Variants in SPACA9 observed in about 807,000 individuals in gnomAD.
SPACA9 encodes sperm acrosome-associated protein 9.
A neutral mutation model predicts 12.5 loss-of-function variants in SPACA9; 14 were observed. The ratio of observed to expected loss-of-function variants is 1.12; its 90% CI spans 0.74 to 1.75. The LOEUF is 1.75. Ranked by LOEUF, SPACA9 falls within the 40% of genes most tolerant of loss-of-function variation. The pLI, the probability that SPACA9 is intolerant of heterozygous loss-of-function variation, is 0.00. For synonymous variants in SPACA9, 111 were observed against 114.1 expected (o/e 0.97, Z 0.17); for missense variants, 292 against 291.9 (o/e 1.00, Z 0.00).
At position 132,888,214 on chromosome 9, in the gene SPACA9, G is replaced by A; in HGVS notation, c.348-76G>A. ...CTCCCCAGGTGACTCTGCTGTGCCT[G>A]AGGTGTGGCAGCTGCTTGCCACGGC... is the stretch of plus-strand genomic sequence containing the variant. On this transcript the variant is annotated intron_variant, in intron 3 of 3. Coordinates refer to ENST00000356311, the MANE Select transcript of SPACA9 (RefSeq NM_001316897.2). This position sits in a 1 kb window ranked among gnomAD's most constrained non-coding sequence, Gnocchi z 5.0. 1 of 1,547,930 alleles carries A rather than the reference G, an allele frequency of 6.5e-7. No individual in the cohort carries two copies. Among genetic ancestry groups the A allele is most frequent in the Non-Finnish European group, 8.7e-7 (1 of 1,146,010 alleles).
intron 1 of SPACA9, among the ~76,000 whole-genome samples, chr9:132,879,360 G>C (rs1296043000): frequency 6.6e-6 from 1 of 152,102 alleles, no homozygotes; most frequent in East Asian, 1.9e-4. Context: ...TTATGGAGAG[G>C]GAAAATGGCA....
Position 132,888,156 on chromosome 9 carries a change from C to T in SPACA9, c.348-134C>T, listed in dbSNP as rs528663429. The T allele has an allele frequency of 7.2e-6, 10 of 1,395,444 alleles. No individual in the cohort carries two copies. The highest frequency in any genetic ancestry group is 2.7e-5 in the Admixed American group (1 of 37,378). 86.4% of individuals were successfully genotyped at this position (1,395,444 alleles called of 1,614,324 possible). ...TCTGCCAGAATCTCTGGGGACAGAG[C>T]GCCTCAGCGTGCTGTGTGTCCAGTT... On this transcript the variant is annotated intron_variant, in intron 3 of 3. Transcript: ENST00000356311. The surrounding 1 kb of genome is among the most constrained non-coding windows in gnomAD (Gnocchi z 5.0).
intron 1 of SPACA9, among the ~76,000 whole-genome samples, chr9:132,883,570 G>T (rs916085840): frequency 6.6e-6 from 1 of 152,170 alleles, no homozygotes; most frequent in Admixed American, 6.5e-5. Flanking sequence ...GCATGTGTGT[G>T]CGTGTGTGTG....
In SPACA9 at chr9:132,887,138, TATCCATCCATCCATCCATCC is replaced by T. The variant is rs59019466; in HGVS notation, c.145-207_145-188del. ...CGATCCATTAATTTCATATCATATC[TATCCATCCATCCATCCATCC>T]ATCCATCCATCCATCCATCCATCTA... On this transcript the variant is annotated intron_variant, in intron 2 of 3. Coordinates refer to ENST00000356311, the MANE Select transcript of SPACA9 (RefSeq NM_001316897.2). The surrounding 1 kb of genome is among the most constrained non-coding windows in gnomAD (Gnocchi z 5.4). Among the ~76,000 whole-genome samples the T allele has an allele frequency of 6.7e-6, 1 of 149,112 alleles. No homozygotes were observed. Among genetic ancestry groups the T allele is most frequent in the African/African-American group, 2.5e-5 (1 of 40,614 alleles).
chr9:132,887,576 G>T lies in SPACA9; in HGVS notation c.347+5G>T, dbSNP rs757907450. 6.2e-7 allele frequency: 1 copy of T among 1,612,976 alleles called. No homozygotes were observed. Among genetic ancestry groups the T allele is most frequent in the Non-Finnish European group, 8.5e-7 (1 of 1,179,206 alleles). On this transcript the variant is annotated splice_donor_5th_base_variant and intron_variant, in intron 3 of 3. Transcript: ENST00000356311. The surrounding 1 kb of genome is among the most constrained non-coding windows in gnomAD (Gnocchi z 5.4). ...CTTAAGCAGCCTCAGAGCAAAGTAA[G>T]TCCCTCTGATGCTGCTCTTGAGGCC...
Position 132,888,290 on chromosome 9 carries a change from A to G in SPACA9, c.348A>G (p.Lys116=). ...CACCTGGCCCCCTGCCGTCCTGCAGATACCCTCATGATGTGGTGAACCACC... is the reference window on the plus strand; with the variant it reads ...CACCTGGCCCCCTGCCGTCCTGCAGGTACCCTCATGATGTGGTGAACCACC... ...QSNDLSSLRA[K]YPHDVVNHLS... Residue 116 remains lysine, a splice_region_variant and synonymous_variant, in exon 4 of 4, where the codon AAA becomes AAG. Coordinates refer to ENST00000356311, the MANE Select transcript of SPACA9 (RefSeq NM_001316897.2). This position sits in a 1 kb window ranked among gnomAD's most constrained non-coding sequence, Gnocchi z 5.0. 7 of 1,604,734 alleles carry G rather than the reference A, an allele frequency of 4.4e-6. No individual in the cohort carries two copies. The highest frequency in any genetic ancestry group is 6.0e-6 in the Non-Finnish European group (7 of 1,174,108).
In SPACA9 at chr9:132,887,303, T is replaced by G. The variant is rs1170446433; in HGVS notation, c.145-66T>G. 6.9e-7 allele frequency: 1 copy of G among 1,454,698 alleles called. No individual in the cohort carries two copies. The highest frequency in any genetic ancestry group is 1.4e-5 in the African/African-American group (1 of 72,114). 90.1% of individuals were successfully genotyped at this position (1,454,698 alleles called of 1,614,324 possible). On this transcript the variant is annotated intron_variant, in intron 2 of 3. Coordinates refer to ENST00000356311, the MANE Select transcript of SPACA9 (RefSeq NM_001316897.2). This position sits in a 1 kb window ranked among gnomAD's most constrained non-coding sequence, Gnocchi z 5.4. ...AGTAGGGTGGGTGCTTCTGGACATT[T>G]GCACCATAAGCCAGCCAGGACCCGG... is the stretch of plus-strand genomic sequence containing the variant.
intron 2 of SPACA9, among the ~76,000 whole-genome samples, chr9:132,886,891 A>G (rs7849589): frequency 1.8e-4 from 28 of 152,068 alleles, no homozygotes; most frequent in Non-Finnish European, 3.8e-4. Flanking sequence ...GGCTCACTGC[A>G]GCCTCCTCCT....
chr9:132,888,056 G>T lies in SPACA9; in HGVS notation c.348-234G>T, dbSNP rs1431419633. Reference sequence around the variant, plus strand: ...CTCACCCCTAACCCAGGTTTCTACGGACCATGGGGCAGTGGTTTGCATCTC... The same window carrying T: ...CTCACCCCTAACCCAGGTTTCTACGTACCATGGGGCAGTGGTTTGCATCTC... On this transcript the variant is annotated intron_variant, in intron 3 of 3. Transcript: ENST00000356311. The surrounding 1 kb of genome is among the most constrained non-coding windows in gnomAD (Gnocchi z 5.0). Among the ~76,000 whole-genome samples the T allele has an allele frequency of 6.6e-6, 1 of 152,174 alleles. No individual in the cohort carries two copies. The highest frequency in any genetic ancestry group is 2.4e-5 in the African/African-American group (1 of 41,448).
At chr9:132,881,261 A>C (rs1444726730) in intron 1 of SPACA9, among the ~76,000 whole-genome samples, 1 of 139,336 alleles carries the variant, frequency 7.2e-6, no homozygotes, top group African/African-American at 2.6e-5. Flanking sequence ...CCCCATCTCT[A>C]CAAAAAAAAA....
chr9:132,885,512 C>CAAAAA, intron 2 of SPACA9, among the ~76,000 whole-genome samples: 1 of 65,530 alleles, frequency 1.5e-5, no homozygotes, highest in Non-Finnish European at 2.9e-5. Flanking sequence ...GACCCTGTCT[C>CAAAAA]AAAAAAAAAA....
In SPACA9 at chr9:132,889,276, T is replaced by A; in HGVS notation, c.*665T>A. 1 of 985,978 alleles carries A rather than the reference T, an allele frequency of 1.0e-6. No homozygotes were observed. 61.1% of individuals were successfully genotyped at this position (985,978 alleles called of 1,614,324 possible). A position where few individuals can be genotyped will look rare whatever the true frequency, so the allele number is the denominator to read the frequency against. The stretch of plus-strand genomic sequence containing the variant: ...CTGCGGGCTGCAGTTTTGCAGAGGG[T>A]GATCAAGCTGGAGACCATCTGCTCC... On this transcript the variant is annotated 3_prime_UTR_variant, in exon 4 of 4. Transcript: ENST00000356311.
intron 1 of SPACA9, 26 bp from the exon 2 acceptor site, chr9:132,883,885 C>T (rs878888522): frequency 6.4e-7 from 1 of 1,570,246 alleles, no homozygotes; most frequent in South Asian, 1.1e-5. Flanking sequence ...CCCAGGACCT[C>T]ATCACTATCC....
chr9:132,889,123 T>C lies in SPACA9; in HGVS notation c.*512T>C. On this transcript the variant is annotated 3_prime_UTR_variant, in exon 4 of 4. Transcript: ENST00000356311. Reference sequence around the variant, plus strand: ...TTCTAAGCATCAGGCTCCGTGCTGATGAAGAGGAAACCCACTTACAGAAGT... The same window carrying C: ...TTCTAAGCATCAGGCTCCGTGCTGACGAAGAGGAAACCCACTTACAGAAGT... 1.0e-6 allele frequency: 1 copy of C among 990,942 alleles called. No homozygotes were observed. The highest frequency in any genetic ancestry group is 1.2e-6 in the Non-Finnish European group (1 of 833,050). 61.4% of individuals were successfully genotyped at this position (990,942 alleles called of 1,614,324 possible).
intron 1 of SPACA9, among the ~76,000 whole-genome samples, chr9:132,881,223 C>A (rs1470825165): frequency 7.4e-6 from 1 of 135,402 alleles, no homozygotes; most frequent in Non-Finnish European, 1.5e-5. Context: ...CCCAGGAGTT[C>A]GAGACCAGCC....
chr9:132,883,350 T>G (rs2131483999), intron 1 of SPACA9, among the ~76,000 whole-genome samples: 1 of 152,346 alleles, frequency 6.6e-6, no homozygotes, highest in South Asian at 2.1e-4. Flanking sequence ...TCTCCCCGCT[T>G]AATCCATGGG....
chr9:132,889,588 A>T lies in SPACA9; in HGVS notation c.*977A>T, dbSNP rs550778248. 7.0e-4 allele frequency: 238 copies of T among 341,916 alleles called. 1 individual carries two copies. Among genetic ancestry groups the T allele is most frequent in the Middle Eastern group, 4.4e-3 (3 of 678 alleles). The allele number at this position is 341,916 out of a possible 1,614,324, so 21.2% of individuals were successfully genotyped here. A position where few individuals can be genotyped will look rare whatever the true frequency, so the allele number is the denominator to read the frequency against. On this transcript the variant is annotated 3_prime_UTR_variant, in exon 4 of 4. Coordinates refer to ENST00000356311, the MANE Select transcript of SPACA9 (RefSeq NM_001316897.2). ...ACCTGGCTAATTTATATATATATAT[A>T]TTTTTTAGTAGAGACGGGGCTTCAC...
chr9:132,883,811 G>A (rs1588264142), intron 1 of SPACA9, 100 bp from the exon 2 acceptor site: 2 of 936,160 alleles, frequency 2.1e-6, no homozygotes, highest in East Asian at 4.9e-5. Context: ...TCCAGTGAGA[G>A]GGGCCATGGG....
chr9:132,888,924 C>T lies in SPACA9; in HGVS notation c.*313C>T. The T allele has an allele frequency of 1.0e-5, 6 of 593,188 alleles. No individual in the cohort carries two copies. The highest frequency in any genetic ancestry group is 1.1e-5 in the Non-Finnish European group (5 of 435,348). The allele number at this position is 593,188 out of a possible 1,614,324, so 36.7% of individuals were successfully genotyped here. A position where few individuals can be genotyped will look rare whatever the true frequency, so the allele number is the denominator to read the frequency against. On this transcript the variant is annotated 3_prime_UTR_variant, in exon 4 of 4. Coordinates refer to ENST00000356311, the MANE Select transcript of SPACA9 (RefSeq NM_001316897.2). The surrounding 1 kb of genome is among the most constrained non-coding windows in gnomAD (Gnocchi z 5.0). ...CTGGGACTACAGGCGCCCACCACCTCGCCTGGCTAATTTTTTGTATTTTTA... is the reference window on the plus strand; with the variant it reads ...CTGGGACTACAGGCGCCCACCACCTTGCCTGGCTAATTTTTTGTATTTTTA...
Sources: allele counts gnomAD v4.1 joint callset (sites outside exome capture counted in the v4.1 genomes callset), GRCh38; gene constraint gnomAD v4.1.1; non-coding constraint Gnocchi (gnomAD v3.1); transcripts MANE v1.5; gene names NCBI Gene and HGNC (gene_info 2026-07-23, HGNC 2026-07-21).